Variants in PCDH11X observed in about 807,000 individuals in gnomAD.
The protein encoded by PCDH11X is protocadherin-11 X-linked.
Under a neutral mutation model 53.3 loss-of-function variants are expected in PCDH11X, and 18 were observed. The observed-to-expected ratio is 0.34, with a 90% CI of 0.23 to 0.50. The LOEUF (loss-of-function observed/expected upper bound fraction) is 0.50, where lower values mean the gene tolerates loss of function less well. Among genes scored for constraint, PCDH11X ranks in the 20% least tolerant of loss-of-function variants. PCDH11X has a pLI of 0.98. For missense variants in PCDH11X, 570 were observed against 1,032.4 expected (o/e 0.55, Z 6.14); for synonymous variants, 279 against 393.3 (o/e 0.71, Z 3.44).
At chrX:91,992,918 G>A (rs983149141) in intron 6 of PCDH11X, among the ~76,000 whole-genome samples, 4 of 111,784 alleles carry the variant, frequency 3.6e-5, no homozygotes, top group Non-Finnish European at 7.5e-5. Context: ...TTCACTACTG[G>A]TGTAAATGGG....
chrX:92,277,206 G>A (rs937694860), intron 8 of PCDH11X, among the ~76,000 whole-genome samples: 1 of 110,047 alleles, frequency 9.1e-6, no homozygotes, highest in African/African-American at 3.3e-5. Context: ...GATTTGGGAG[G>A]AGTTGCACTG....
intron 7 of PCDH11X, among the ~76,000 whole-genome samples, chrX:92,239,547 C>G (rs2067228009): frequency 9.0e-6 from 1 of 111,499 alleles, no homozygotes; most frequent in Admixed American, 9.6e-5. Flanking sequence ...GTCCAGAAGA[C>G]TTTTAAAAAG....
chrX:92,004,768 C>CTTTT (rs1171124073), intron 6 of PCDH11X, among the ~76,000 whole-genome samples: 34 of 57,153 alleles, frequency 5.9e-4, no homozygotes, highest in African/African-American at 8.3e-4. Flanking sequence ...CTATGTGTGC[C>CTTTT]TTTTTTTTTT....
chrX:92,085,202 C>T (rs2063929695), intron 6 of PCDH11X, among the ~76,000 whole-genome samples: 1 of 110,458 alleles, frequency 9.1e-6, no homozygotes, highest in Admixed American at 9.8e-5. Context: ...TTGACTGAAG[C>T]TCTGTGTCTT....
intron 10 of PCDH11X, among the ~76,000 whole-genome samples, chrX:92,575,978 GTA>G (rs1173562560): frequency 0.066 from 1,221 of 18,388 alleles, 75 homozygotes; most frequent in Middle Eastern, 0.11. Context: ...CACCTGGGGT[GTA>G]TATATATATA....
intron 10 of PCDH11X, among the ~76,000 whole-genome samples, chrX:92,534,045 G>C (rs1264054368): frequency 2.0e-5 from 2 of 101,741 alleles, no homozygotes; most frequent in East Asian, 6.6e-4. Context: ...GCTGGACAGA[G>C]AATGACTTTG....
chrX:92,605,332 A>G (rs1325671191), intron 10 of PCDH11X, among the ~76,000 whole-genome samples: 1 of 109,873 alleles, frequency 9.1e-6, no homozygotes, highest in Non-Finnish European at 1.9e-5. Flanking sequence ...TAAAGAAGAA[A>G]CAACAAGAGA....
At chrX:91,909,543 T>C (rs980080504) in intron 6 of PCDH11X, among the ~76,000 whole-genome samples, 6 of 109,913 alleles carry the variant, frequency 5.5e-5, no homozygotes, top group Non-Finnish European at 9.5e-5. Context: ...CTCCCTGTTA[T>C]AACAAAAGAA....
rs541997793 is a variant in PCDH11X, at chrX:92,098,351, CA to C, written c.3034-103020del. 2.7e-4 allele frequency among the ~76,000 whole-genome samples: 30 copies of C among 111,522 alleles called. No individual in the cohort carries two copies. The South Asian group carries it at 0.011, about 42-fold the overall frequency. On this transcript the variant is annotated intron_variant, in intron 6 of 10. Coordinates refer to ENST00000682573, the MANE Select transcript of PCDH11X (RefSeq NM_032968.5). ...CTAAATGTATTTCTACAGCAAGACA[CA>C]AAACTAATAATGAACATGATTGTGA...
intron 8 of PCDH11X, among the ~76,000 whole-genome samples, chrX:92,376,925 GGAAACATGATCAAAATAT>G (rs2070765116): frequency 9.0e-6 from 1 of 111,143 alleles, no homozygotes; most frequent in South Asian, 3.7e-4. Context: ...ATTAACATTT[GGAAACATGATCAAAATAT>G]TTTTTAAAAA....
intron 10 of PCDH11X, among the ~76,000 whole-genome samples, chrX:92,495,724 C>T (rs12559788): frequency 0.068 from 7,263 of 106,113 alleles, 314 homozygotes; most frequent in African/African-American, 0.13. Context: ...GCCTCAGAAT[C>T]ATGGTGGAAG....
chrX:91,783,894 G>A (rs918313821), intron 1 of PCDH11X, among the ~76,000 whole-genome samples: 3 of 112,255 alleles, frequency 2.7e-5, no homozygotes, highest in Non-Finnish European at 5.6e-5. Context: ...GATAAATGGT[G>A]TAATTGAACA....
At chrX:92,175,785 T>TATAC (rs1556140527) in intron 6 of PCDH11X, among the ~76,000 whole-genome samples, 23,990 of 82,693 alleles carry the variant, frequency 0.29, 3,848 homozygotes, top group Admixed American at 0.47. Context: ...TGTATATATA[T>TATAC]ACACACACAC....
At chrX:91,912,598 T>G (rs1941407544) in intron 6 of PCDH11X, among the ~76,000 whole-genome samples, 1 of 111,108 alleles carries the variant, frequency 9.0e-6, no homozygotes, top group Admixed American at 9.6e-5. Flanking sequence ...GAACCATCCT[T>G]GTATTCCAGG....
intron 10 of PCDH11X, among the ~76,000 whole-genome samples, chrX:92,527,206 C>T (rs1219263151): frequency 9.0e-6 from 1 of 111,484 alleles, no homozygotes; most frequent in Non-Finnish European, 1.9e-5. Context: ...AATTTGATGA[C>T]ACAATAGCAT....
chrX:92,599,315 T>C (rs1925980857), intron 10 of PCDH11X, among the ~76,000 whole-genome samples: 1 of 111,962 alleles, frequency 8.9e-6, no homozygotes, highest in Non-Finnish European at 1.9e-5. Flanking sequence ...TGATATGGCT[T>C]GGCTGTGTCC....
At chrX:91,803,631 A>T (rs1423228991) in intron 1 of PCDH11X, among the ~76,000 whole-genome samples, 2 of 111,521 alleles carry the variant, frequency 1.8e-5, no homozygotes, top group African/African-American at 6.5e-5. Context: ...TTAGAGTCTC[A>T]ATTCCCTCAT....
intron 10 of PCDH11X, among the ~76,000 whole-genome samples, chrX:92,469,366 C>T (rs1049721571): frequency 4.5e-5 from 5 of 111,003 alleles, no homozygotes; most frequent in African/African-American, 1.6e-4. Flanking sequence ...TTCTAATGTC[C>T]ATGATACATT....
chrX:92,103,626 G>A (rs1249039911), intron 6 of PCDH11X, among the ~76,000 whole-genome samples: 1 of 111,922 alleles, frequency 8.9e-6, no homozygotes, highest in Non-Finnish European at 1.9e-5. Context: ...CCACACAGAT[G>A]GGACGTGGCT....
Sources: gnomAD v4.1 joint callset for allele counts (sites outside exome capture counted in the v4.1 genomes callset) on GRCh38, gnomAD v4.1.1 for gene constraint, MANE v1.5 for transcripts, NCBI Gene and HGNC (gene_info 2026-07-23, HGNC 2026-07-21) for gene names.